IQCH: variants seen among roughly 807,000 people sequenced by gnomAD.
IQCH encodes IQ motif containing H, also known as IQ domain-containing protein H.
A neutral mutation model predicts 117.0 loss-of-function variants in IQCH; 98 were observed. That is an observed-to-expected ratio of 0.84 (90% CI 0.71 to 0.99). The LOEUF (loss-of-function observed/expected upper bound fraction) is 0.99. Ranked by LOEUF, IQCH falls within the 50% of genes least tolerant of loss-of-function variation. The pLI is 0.00. For synonymous variants in IQCH, 412 were observed against 448.2 expected (o/e 0.92, Z 1.02); for missense variants, 1,102 against 1,243.8 (o/e 0.89, Z 1.72).
intron 4 of IQCH, among the ~76,000 whole-genome samples, chr15:67,317,000 C>T: frequency 6.6e-6 from 1 of 152,056 alleles, no homozygotes; most frequent in Non-Finnish European, 1.5e-5. Context: ...TAATAAAAGG[C>T]TGTGTTAACT....
chr15:67,281,693 T>TC lies in IQCH; in HGVS notation c.387+2185dup, dbSNP rs756495279. The TC allele has an allele frequency of 2.4e-5, 11 of 454,126 alleles. 1 individual carries two copies. The highest frequency in any genetic ancestry group is 1.7e-4 in the South Asian group (11 of 64,472). The allele number at this position is 454,126 out of a possible 1,614,324, so 28.1% of individuals were successfully genotyped here. The stretch of plus-strand genomic sequence containing the variant: ...GGAGATTCTCTACAGAAGCAAAATT[T>TC]CCCCACAAAAGACAGCTTTGCAAGA... On this transcript the variant is annotated intron_variant, in intron 4 of 20. Transcript: ENST00000335894.
chr15:67,303,642 CAG>C (rs976478011), intron 4 of IQCH, among the ~76,000 whole-genome samples: 4 of 152,036 alleles, frequency 2.6e-5, no homozygotes, highest in African/African-American at 9.7e-5. Context: ...TCACACACAG[CAG>C]TCGAGAGGAG....
At chr15:67,287,924 G>A (rs1966623328) in intron 4 of IQCH, among the ~76,000 whole-genome samples, 1 of 151,816 alleles carries the variant, frequency 6.6e-6, no homozygotes, top group South Asian at 2.1e-4. Flanking sequence ...TATCCCACAG[G>A]TTTTGGTATG....
In IQCH at chr15:67,436,475, G is replaced by A. The variant is rs4776931; in HGVS notation, c.2505+14898G>A. On this transcript the variant is annotated intron_variant, in intron 16 of 20. Transcript: ENST00000335894. The surrounding 1 kb of genome is among the most constrained non-coding windows in gnomAD (Gnocchi z 5.1). ...TGGCACCACAGGGATCCATCAGGAC[G>A]GTGGCCAGAGAAGCAGGCGGTAAAT... 0.13 allele frequency among the ~76,000 whole-genome samples: 19,721 copies of A among 152,128 alleles called. 1,353 individuals are homozygous for A. The highest frequency in any genetic ancestry group is 0.2 in the East Asian group (1,032 of 5,166).
chr15:67,460,784 C>T (rs989946225), intron 16 of IQCH, among the ~76,000 whole-genome samples: 8 of 152,186 alleles, frequency 5.3e-5, no homozygotes, highest in African/African-American at 9.7e-5. Context: ...ACACCACAGT[C>T]GCTCCATTTA....
chr15:67,488,754 A>T (rs952746982), intron 18 of IQCH, among the ~76,000 whole-genome samples: 6 of 152,112 alleles, frequency 3.9e-5, no homozygotes. Context: ...TGCAACCTAG[A>T]TCCCTTGTTT....
At chr15:67,283,685 A>G (rs747332503) in intron 4 of IQCH, among the ~76,000 whole-genome samples, 24 of 152,114 alleles carry the variant, frequency 1.6e-4, no homozygotes, top group Non-Finnish European at 3.2e-4. Flanking sequence ...ATTTCATTAT[A>G]TATCCATTTT....
rs748431623 is a variant in IQCH, at chr15:67,465,312, C to T, written c.2676+15C>T. On this transcript the variant is annotated intron_variant, in intron 17 of 20. Coordinates refer to ENST00000335894, the MANE Select transcript of IQCH (RefSeq NM_001031715.3). The surrounding 1 kb of genome is among the most constrained non-coding windows in gnomAD (Gnocchi z 5.9). ...TGTCAATGCCGGTAAGCAAGAGGTG[C>T]TTCCTGAAGGTTCTCGGTGTTCAGC... The T allele has an allele frequency of 1.2e-6, 2 of 1,610,456 alleles. No individual in the cohort carries two copies. The highest frequency in any genetic ancestry group is 1.1e-5 in the South Asian group (1 of 90,990).
intron 6 of IQCH, among the ~76,000 whole-genome samples, chr15:67,353,991 C>T (rs1049796708): frequency 1.3e-5 from 2 of 152,112 alleles, no homozygotes; most frequent in African/African-American, 4.8e-5. Flanking sequence ...CACTCACATA[C>T]TCTAATATGC....
At chr15:67,441,122 CA>C (rs200254535) in intron 16 of IQCH, among the ~76,000 whole-genome samples, 372 of 53,746 alleles carry the variant, frequency 6.9e-3, no homozygotes, top group Non-Finnish European at 0.011. Flanking sequence ...GCAATAGCTG[CA>C]AAAAAAAAAA....
chr15:67,489,285 G>A (rs562856966), intron 18 of IQCH, among the ~76,000 whole-genome samples: 32 of 151,602 alleles, frequency 2.1e-4, no homozygotes, highest in East Asian at 3.9e-4. Context: ...CGCCTGCCTC[G>A]GCCTCCTGAA....
rs1971452543 is a variant in IQCH at position 67,395,845 on chromosome 15, T to G, written c.1905+282T>G. On this transcript the variant is annotated intron_variant, in intron 13 of 20. Coordinates refer to ENST00000335894, the MANE Select transcript of IQCH (RefSeq NM_001031715.3). This position sits in a 1 kb window ranked among gnomAD's most constrained non-coding sequence, Gnocchi z 4.0. Reference sequence around the variant, plus strand: ...CTGTGACTTCCAGCTAATTTTTGTATTTTTAGTAGAGATGGGGTTTCACCA... The same window carrying G: ...CTGTGACTTCCAGCTAATTTTTGTAGTTTTAGTAGAGATGGGGTTTCACCA... Among the ~76,000 whole-genome samples the G allele has an allele frequency of 6.6e-6, 1 of 151,916 alleles. No homozygotes were observed. The highest frequency in any genetic ancestry group is 1.5e-5 in the Non-Finnish European group (1 of 67,974).
chr15:67,440,418 A>C (rs1350241256), intron 16 of IQCH, among the ~76,000 whole-genome samples: 1 of 152,170 alleles, frequency 6.6e-6, no homozygotes, highest in Non-Finnish European at 1.5e-5. Context: ...ACAACCAAAA[A>C]AGAAAACTAC....
chr15:67,301,598 C>T (rs928944310), intron 4 of IQCH, among the ~76,000 whole-genome samples: 1 of 151,358 alleles, frequency 6.6e-6, no homozygotes, highest in East Asian at 1.9e-4. Flanking sequence ...TTAGTAGAGA[C>T]GGGGTTTCAC....
Position 67,323,311 on chromosome 15 carries a change from C to T in IQCH, c.388-13664C>T, listed in dbSNP as rs557614255. 6.0e-4 allele frequency among the ~76,000 whole-genome samples: 83 copies of T among 138,040 alleles called. No individual in the cohort carries two copies. In the South Asian group the frequency reaches 0.019, roughly 31 times the overall value. The allele number at this position is 138,040 out of a possible 152,430, so 90.6% of individuals were successfully genotyped here. On this transcript the variant is annotated intron_variant, in intron 4 of 20. Coordinates refer to ENST00000335894, the MANE Select transcript of IQCH (RefSeq NM_001031715.3). ...AGGCTGGAGTGCAGTGGTGCGATCT[C>T]GGCTCACTGCAAGCTCTGCCTCCCA...
intron 8 of IQCH, among the ~76,000 whole-genome samples, chr15:67,361,099 C>T (rs1432540828): frequency 6.6e-6 from 1 of 152,198 alleles, no homozygotes; most frequent in Admixed American, 6.5e-5. Flanking sequence ...TGCAGTTGTC[C>T]CCAGGCCCAC....
chr15:67,499,297 CAAAAAAAAAAAA>C (rs59618730), intron 20 of IQCH, among the ~76,000 whole-genome samples: 5 of 49,148 alleles, frequency 1.0e-4, no homozygotes, highest in Non-Finnish European at 1.7e-4. Context: ...AGACCTGTCC[CAAAAAAAAAAAA>C]AAAAAAAAAA....
intron 4 of IQCH, among the ~76,000 whole-genome samples, chr15:67,299,338 A>G (rs557590582): frequency 6.6e-6 from 1 of 152,206 alleles, no homozygotes; most frequent in South Asian, 2.1e-4. Flanking sequence ...GTTAAATAGA[A>G]TGAATAAGAT....
intron 7 of IQCH, among the ~76,000 whole-genome samples, chr15:67,357,830 C>G (rs912894885): frequency 3.3e-5 from 5 of 150,210 alleles, no homozygotes; most frequent in African/African-American, 9.9e-5. Context: ...CTTAATGAAG[C>G]AGGGGAAAGA....
Sources: gnomAD v4.1 joint callset for allele counts (sites outside exome capture counted in the v4.1 genomes callset) on GRCh38, gnomAD v4.1.1 for gene constraint, Gnocchi (gnomAD v3.1) non-coding constraint, MANE v1.5 for transcripts, NCBI Gene and HGNC (gene_info 2026-07-23, HGNC 2026-07-21) for gene names.